MRPS35: variants seen among roughly 807,000 people sequenced by gnomAD.
MRPS35 encodes the protein mitochondrial ribosomal protein S35, also known as small ribosomal subunit protein mS35.
In MRPS35, 29 loss-of-function variants were observed where a neutral mutation model predicts 32.7. That is an observed-to-expected ratio of 0.89 (90% CI 0.66 to 1.21). The LOEUF is 1.21. Among genes scored for constraint, MRPS35 ranks in the 50% most tolerant of loss-of-function variants. The pLI is 0.00. For synonymous variants in MRPS35, 148 were observed against 139.3 expected (o/e 1.06, Z -0.44); for missense variants, 373 against 383.8 (o/e 0.97, Z 0.23).
intron 4 of MRPS35, among the ~76,000 whole-genome samples, chr12:27,721,627 G>A (rs1008517845): frequency 1.3e-5 from 2 of 152,140 alleles, no homozygotes; most frequent in Non-Finnish European, 2.9e-5. Flanking sequence ...TTGCACTCCA[G>A]CCGGGGTAAC....
At position 27,735,575 on chromosome 12, in the gene MRPS35, A is replaced by G; in HGVS notation, c.632+19A>G. 6.4e-7 allele frequency: 1 copy of G among 1,563,142 alleles called. No homozygotes were observed. Among genetic ancestry groups the G allele is most frequent in the South Asian group, 1.1e-5 (1 of 88,690 alleles). The stretch of plus-strand genomic sequence containing the variant: ...CAGATAGGTAATGGAAAAAATGTTC[A>G]GCCGACTGGTCACGTGTGTTTCCTC... On this transcript the variant is annotated intron_variant, in intron 6 of 7. Coordinates refer to ENST00000081029, the MANE Select transcript of MRPS35 (RefSeq NM_021821.4).
intron 4 of MRPS35, among the ~76,000 whole-genome samples, 157 bp from the exon 5 acceptor site, chr12:27,723,890 G>A (rs942840875): frequency 2.0e-5 from 3 of 152,202 alleles, no homozygotes; most frequent in African/African-American, 4.8e-5. Flanking sequence ...TAGGAAAAGG[G>A]ATAAGGGATG....
intron 1 of MRPS35, among the ~76,000 whole-genome samples, chr12:27,712,645 AC>A (rs1488544846): frequency 2.6e-5 from 4 of 152,220 alleles, no homozygotes; most frequent in Admixed American, 2.6e-4. Flanking sequence ...AAATCCTGTT[AC>A]ATTTTTGTTC....
chr12:27,736,284 C>T (rs1375492847), intron 6 of MRPS35, among the ~76,000 whole-genome samples: 1 of 152,134 alleles, frequency 6.6e-6, no homozygotes, highest in African/African-American at 2.4e-5. Context: ...AAGAAGGAGC[C>T]TGACACACAT....
chr12:27,723,615 C>T (rs904662394), intron 4 of MRPS35, among the ~76,000 whole-genome samples: 1 of 149,586 alleles, frequency 6.7e-6, no homozygotes, highest in African/African-American at 2.6e-5. Flanking sequence ...TGAGAGCTTT[C>T]AATTCCTTTC....
At position 27,751,855 on chromosome 12, in the gene MRPS35, G is replaced by A. The variant is rs955492422; in HGVS notation, c.703-3326G>A. Among the ~76,000 whole-genome samples the A allele has an allele frequency of 3.3e-5, 5 of 152,318 alleles. No homozygotes were observed. The East Asian group carries it at 7.7e-4, about 24-fold the overall frequency. ...GGTTATATAACAAGTGGGGGTGTGC[G>A]CCTGCACGCCAAACTCGCTGAGTCA... On this transcript the variant is annotated intron_variant, in intron 7 of 7. Coordinates refer to ENST00000081029, the MANE Select transcript of MRPS35 (RefSeq NM_021821.4).
rs1466448196 is a variant in MRPS35 at position 27,733,030 on chromosome 12, A to ATCTATCTATC, written c.523-2416_523-2415insCTATCTATCT. Among the ~76,000 whole-genome samples, 56 of 123,206 alleles carry ATCTATCTATC rather than the reference A, an allele frequency of 4.5e-4. 2 individuals carry two copies. The East Asian group carries it at 0.011, about 24-fold the overall frequency. The allele number at this position is 123,206 out of a possible 152,430, so 80.8% of individuals were successfully genotyped here. A position where few individuals can be genotyped will look rare whatever the true frequency, so the allele number is the denominator to read the frequency against. On this transcript the variant is annotated intron_variant, in intron 5 of 7. Coordinates refer to ENST00000081029, the MANE Select transcript of MRPS35 (RefSeq NM_021821.4). ...TATATATATATATATATATATATAT[A>ATCTATCTATC]TATATATATATCCAGCACCTCCTGT...
At chr12:27,718,031 A>G (rs1038915043) in intron 3 of MRPS35, among the ~76,000 whole-genome samples, 4 of 152,200 alleles carry the variant, frequency 2.6e-5, no homozygotes, top group African/African-American at 9.6e-5. Context: ...AGGGTTTATA[A>G]TTTTTAAAAT....
chr12:27,717,986 T>C (rs1352919486), intron 3 of MRPS35, among the ~76,000 whole-genome samples: 1 of 152,224 alleles, frequency 6.6e-6, no homozygotes, highest in Non-Finnish European at 1.5e-5. Context: ...TAAAAGTCTA[T>C]CACTCTGATC....
At chr12:27,743,148 A>G (rs2061970241) in intron 7 of MRPS35, among the ~76,000 whole-genome samples, 1 of 152,064 alleles carries the variant, frequency 6.6e-6, no homozygotes, top group Non-Finnish European at 1.5e-5. Context: ...AGTGTGAGCC[A>G]CCACATCCAG....
intron 5 of MRPS35, among the ~76,000 whole-genome samples, chr12:27,730,792 T>C (rs1433383216): frequency 1.3e-5 from 2 of 152,180 alleles, no homozygotes; most frequent in South Asian, 4.1e-4. Context: ...GTGATGATGC[T>C]AATCTTCATC....
chr12:27,737,356 G>A (rs1253646094), intron 6 of MRPS35, among the ~76,000 whole-genome samples, 183 bp from the exon 7 acceptor site: 2 of 152,116 alleles, frequency 1.3e-5, no homozygotes, highest in Admixed American at 6.5e-5. Flanking sequence ...AAATAACACC[G>A]GTGTTTAGCT....
At chr12:27,737,106 C>T (rs943660587) in intron 6 of MRPS35, among the ~76,000 whole-genome samples, 2 of 152,160 alleles carry the variant, frequency 1.3e-5, no homozygotes, top group Admixed American at 6.5e-5. Flanking sequence ...AAACTTCTAG[C>T]CTCAAGCAAC....
intron 3 of MRPS35, among the ~76,000 whole-genome samples, chr12:27,719,136 G>T (rs925389554): frequency 6.6e-6 from 1 of 152,082 alleles, no homozygotes; most frequent in African/African-American, 2.4e-5. Flanking sequence ...AGTCCTTTCA[G>T]TTTTATAAAG....
chr12:27,711,030 G>GC, intron 1 of MRPS35, 75 bp downstream of exon 1: 1 of 1,413,868 alleles, frequency 7.1e-7, no homozygotes, highest in Non-Finnish European at 9.7e-7. Flanking sequence ...GAAGGGTGCC[G>GC]CGGTGGCTGA....
chr12:27,740,577 G>C (rs1565469986), intron 7 of MRPS35, among the ~76,000 whole-genome samples: 1 of 152,094 alleles, frequency 6.6e-6, no homozygotes, highest in Non-Finnish European at 1.5e-5. Flanking sequence ...CCTTCCCTTG[G>C]CTTTTTAACC....
At chr12:27,716,187 C>G in intron 2 of MRPS35, 104 bp from the exon 3 acceptor site, 1 of 1,140,240 alleles carries the variant, frequency 8.8e-7, no homozygotes, top group Non-Finnish European at 1.2e-6. Flanking sequence ...TGCAATTTTG[C>G]TTCTATTTCT....
intron 5 of MRPS35, among the ~76,000 whole-genome samples, chr12:27,732,700 CTT>C (rs1287709987): frequency 6.6e-6 from 1 of 152,058 alleles, no homozygotes; most frequent in African/African-American, 2.4e-5. Flanking sequence ...TTAAAAACAA[CTT>C]ATATATAACT....
At position 27,716,411 on chromosome 12, in the gene MRPS35, A is replaced by G. The variant is rs369012311; in HGVS notation, c.274A>G (p.Lys92Glu). 6 of 1,614,052 alleles carry G rather than the reference A, an allele frequency of 3.7e-6. No homozygotes were observed. Among genetic ancestry groups the G allele is most frequent in the Non-Finnish European group, 5.1e-6 (6 of 1,180,044 alleles). Residue 92 changes from lysine to glutamate, a missense_variant, in exon 3 of 8, where the codon AAA becomes GAA. Lys to Glu is a moderately conservative substitution (Grantham distance 56, BLOSUM62 1). Transcript: ENST00000081029. ...TCCTGTTCGAATGGGTTATCCAGTA[A>G]AAAAGGGCGTGCCCATGGCAAAGGA... is the stretch of plus-strand genomic sequence containing the variant. ...PLPVRMGYPV[K>E]KGVPMAKEGN...
Sources: allele counts gnomAD v4.1 joint callset (sites outside exome capture counted in the v4.1 genomes callset), GRCh38; gene constraint gnomAD v4.1.1; transcripts MANE v1.5; gene names NCBI Gene and HGNC (gene_info 2026-07-23, HGNC 2026-07-21).